The following ZNF365 variants were observed in gnomAD, a reference collection of about 807,000 sequenced individuals.
ZNF365 encodes the protein zinc finger protein 365, also known as protein ZNF365.
Under a neutral mutation model 35.0 loss-of-function variants are expected in ZNF365, and 22 were observed. The observed-to-expected ratio is 0.63, with a 90% CI of 0.45 to 0.90. The LOEUF (loss-of-function observed/expected upper bound fraction) is 0.90, where lower values mean the gene tolerates loss of function less well. ZNF365 is among the 40% of genes least tolerant of loss of function. ZNF365 has a pLI of 0.00. For missense variants in ZNF365, 448 were observed against 500.3 expected, an observed-to-expected ratio of 0.90 and a Z score of 1.00; for synonymous variants, 188 against 196.2, an observed-to-expected ratio of 0.96 and a Z score of 0.35.
intron 4 of ZNF365, among the ~76,000 whole-genome samples, chr10:62,460,359 CTT>C (rs1034284036): frequency 1.3e-5 from 2 of 152,142 alleles, no homozygotes; most frequent in African/African-American, 4.8e-5. Flanking sequence ...GTACTGAACT[CTT>C]ACATGTTTTT....
intron 2 of ZNF365, among the ~76,000 whole-genome samples, chr10:62,386,156 C>T (rs904887424): frequency 6.6e-6 from 1 of 152,162 alleles, no homozygotes; most frequent in African/African-American, 2.4e-5. Flanking sequence ...GCTGGGGATG[C>T]ATTCACATGG....
chr10:62,414,107 CTAAT>C (rs1840032672), intron 3 of ZNF365, among the ~76,000 whole-genome samples: 1 of 152,106 alleles, frequency 6.6e-6, no homozygotes. Context: ...CTTTGTGACT[CTAAT>C]TAGTGCAAAA....
chr10:62,399,242 C>T (rs1839782415), intron 4 of ZNF365, among the ~76,000 whole-genome samples: 1 of 152,158 alleles, frequency 6.6e-6, no homozygotes, highest in Non-Finnish European at 1.5e-5. Context: ...GACCAACTGT[C>T]TGTATTATTC....
At chr10:62,449,808 T>C (rs1232581870) in intron 3 of ZNF365, among the ~76,000 whole-genome samples, 8 of 145,098 alleles carry the variant, frequency 5.5e-5, no homozygotes, top group African/African-American at 2.2e-4. Flanking sequence ...AGTCTTAGCC[T>C]GGTTCATTTT....
rs375572784 is a variant in ZNF365, at chr10:62,389,006, TG to T, written c.924+436del. Reference sequence around the variant, plus strand: ...ACCACATACACATTTTTTTCCTTAATGGGGGGCAAGCACTGTTCAACAGTCT... The same window carrying T: ...ACCACATACACATTTTTTTCCTTAATGGGGGCAAGCACTGTTCAACAGTCT... On this transcript the variant is annotated intron_variant, in intron 3 of 4. Transcript: ENST00000395254. Among the ~76,000 whole-genome samples the T allele has an allele frequency of 8.6e-3, 1,316 of 152,210 alleles. 19 individuals carry two copies. The highest frequency in any genetic ancestry group is 0.03 in the African/African-American group (1,265 of 41,496).
chr10:62,403,789 T>C (rs1310342542), downstream of ZNF365, among the ~76,000 whole-genome samples: 1 of 152,212 alleles, frequency 6.6e-6, no homozygotes, highest in Non-Finnish European at 1.5e-5. Flanking sequence ...TTTTGAGAAA[T>C]AGCTGTGACA....
At chr10:62,480,246 C>T (rs750746242) in exon 5 of ZNF365, 13 of 1,024,124 alleles carry the variant, frequency 1.3e-5, no homozygotes, top group Non-Finnish European at 1.4e-5. Context: ...TGGGACATGG[C>T]AGGTACTCAG....
intron 3 of ZNF365, among the ~76,000 whole-genome samples, chr10:62,425,235 C>T (rs1051242457): frequency 2.6e-5 from 4 of 152,000 alleles, no homozygotes; most frequent in Non-Finnish European, 4.4e-5. Context: ...CTAGATAAGA[C>T]ACAGAGTCTA....
downstream of ZNF365, among the ~76,000 whole-genome samples, chr10:62,404,230 G>GC (rs1235725605): frequency 6.6e-6 from 1 of 152,196 alleles, no homozygotes; most frequent in Non-Finnish European, 1.5e-5. Flanking sequence ...GGAGGTAGAT[G>GC]CCTAGGATGG....
chr10:62,384,303 C>A (rs1344840336), intron 2 of ZNF365, among the ~76,000 whole-genome samples: 1 of 152,076 alleles, frequency 6.6e-6, no homozygotes, highest in Non-Finnish European at 1.5e-5. Context: ...GAAATAAAAC[C>A]ACACAAGTCT....
At chr10:62,463,331 G>A (rs115325773) in intron 4 of ZNF365, among the ~76,000 whole-genome samples, 383 of 152,234 alleles carry the variant, frequency 2.5e-3, no homozygotes, top group African/African-American at 8.9e-3. Context: ...AACTTAAGCC[G>A]TCCCCTGGAC....
intron 4 of ZNF365, among the ~76,000 whole-genome samples, chr10:62,479,437 T>C (rs1465323148): frequency 6.6e-6 from 1 of 152,176 alleles, no homozygotes; most frequent in African/African-American, 2.4e-5. Context: ...AGATAAAAAG[T>C]GGTGTGTACA....
At chr10:62,442,228 AGT>A (rs1344086977) in intron 3 of ZNF365, among the ~76,000 whole-genome samples, 4 of 152,220 alleles carry the variant, frequency 2.6e-5, no homozygotes, top group African/African-American at 4.8e-5. Flanking sequence ...AGCTACTTAA[AGT>A]TATTTTTCTC....
chr10:62,392,173 A>G (rs1839642171), intron 3 of ZNF365, among the ~76,000 whole-genome samples: 1 of 152,092 alleles, frequency 6.6e-6, no homozygotes, highest in Admixed American at 6.5e-5. Context: ...TAAATTACGA[A>G]GATTTTCTCC....
intron 4 of ZNF365, among the ~76,000 whole-genome samples, chr10:62,464,799 A>C (rs574636691): frequency 4.6e-5 from 7 of 152,346 alleles, no homozygotes; most frequent in African/African-American, 1.7e-4. Context: ...CATAAGAGAA[A>C]TTGTTAATTG....
intron 2 of ZNF365, 23 bp downstream of exon 2, chr10:62,376,959 G>A (rs907497143): frequency 3.1e-6 from 5 of 1,597,054 alleles, no homozygotes; most frequent in African/African-American, 1.3e-5. Flanking sequence ...GACAGGGGAT[G>A]CTAACCCCAT....
At chr10:62,464,228 T>C (rs980834528) in intron 4 of ZNF365, among the ~76,000 whole-genome samples, 1 of 152,204 alleles carries the variant, frequency 6.6e-6, no homozygotes, top group African/African-American at 2.4e-5. Flanking sequence ...TAATTCTTAT[T>C]CATGCTTACT....
At chr10:62,431,505 CT>C (rs1840334183) in intron 3 of ZNF365, among the ~76,000 whole-genome samples, 1 of 92,644 alleles carries the variant, frequency 1.1e-5, no homozygotes, top group Non-Finnish European at 2.6e-5. Flanking sequence ...TAGTCTAATG[CT>C]GTTAATAGTC....
chr10:62,429,109 G>A (rs1477768077), intron 3 of ZNF365, among the ~76,000 whole-genome samples: 1 of 152,090 alleles, frequency 6.6e-6, no homozygotes, highest in Non-Finnish European at 1.5e-5. Flanking sequence ...GTGTGCCAAC[G>A]TTAGTTCTGG....
Sources: allele counts gnomAD v4.1 joint callset (sites outside exome capture counted in the v4.1 genomes callset), GRCh38; gene constraint gnomAD v4.1.1; transcripts MANE v1.5; gene names NCBI Gene and HGNC (gene_info 2026-07-23, HGNC 2026-07-21).